Variants in MARCHF6 observed in about 807,000 individuals in gnomAD.
MARCHF6 encodes the protein E3 ubiquitin-protein ligase MARCHF6.
Under a neutral mutation model 133.7 loss-of-function variants are expected in MARCHF6, and 31 were observed. The ratio of observed to expected loss-of-function variants is 0.23; its 90% confidence interval spans 0.17 to 0.31. The LOEUF (loss-of-function observed/expected upper bound fraction) is 0.31. Ranked by LOEUF, MARCHF6 falls within the 10% of genes least tolerant of loss-of-function variation. The pLI, the probability that MARCHF6 is intolerant of heterozygous loss-of-function variation, is 1.00. For missense variants in MARCHF6, 723 were observed against 1,121.6 expected, an observed-to-expected ratio of 0.64 and a Z score of 5.08; for synonymous variants, 395 against 402.5, an observed-to-expected ratio of 0.98 and a Z score of 0.22.
Position 10,404,155 on chromosome 5 carries a change from C to T in MARCHF6, c.1332+614C>T, listed in dbSNP as rs1009206794. Among the ~76,000 whole-genome samples, 19 of 151,902 alleles carry T rather than the reference C, an allele frequency of 1.3e-4. 1 individual carries two copies. The South Asian group carries it at 3.5e-3, about 28-fold the overall frequency. On this transcript the variant is annotated intron_variant, in intron 15 of 25. Transcript: ENST00000274140. ...TAGTGCCATGATCTTGGAACCTCCA[C>T]CTCCCAAGTTCAAGTGATTCTCCTG... is the stretch of plus-strand genomic sequence containing the variant.
In MARCHF6 at chr5:10,429,760, G is replaced by T. The variant is rs562602850; in HGVS notation, c.2507-133G>T. ...AAAGGGCTCATGACCTACACAGATT[G>T]TAGAAAGTTAACAGACCTGGGGCTT... On this transcript the variant is annotated intron_variant, in intron 24 of 25. Coordinates refer to ENST00000274140, the MANE Select transcript of MARCHF6 (RefSeq NM_005885.4). The T allele has an allele frequency of 2.3e-5, 16 of 689,502 alleles. No homozygotes were observed. In the East Asian group the frequency reaches 3.2e-4, roughly 14 times the overall value. The allele number at this position is 689,502 out of a possible 1,614,324, so 42.7% of individuals were successfully genotyped here.
rs1012598902 is a variant in MARCHF6, at chr5:10,434,597, A to G, written c.*913A>G. On this transcript the variant is annotated 3_prime_UTR_variant, in exon 26 of 26. Coordinates refer to ENST00000274140, the MANE Select transcript of MARCHF6 (RefSeq NM_005885.4). ...GTCATAAATCTTTCAGAGTGACATC[A>G]CCAACTGTACTGCATCTTACTGGAT... 2.6e-5 allele frequency: 4 copies of G among 151,882 alleles called. No homozygotes were observed. Among genetic ancestry groups the G allele is most frequent in the Non-Finnish European group, 5.9e-5 (4 of 68,000 alleles). The allele number at this position is 151,882 out of a possible 1,614,324, so 9.4% of individuals were successfully genotyped here. A position where few individuals can be genotyped will look rare whatever the true frequency, so the allele number is the denominator to read the frequency against.
In MARCHF6 at chr5:10,410,245, C is replaced by T. The variant is rs753187696; in HGVS notation, c.1660C>T (p.Arg554Ter). 1 of 1,613,228 alleles carries T rather than the reference C, an allele frequency of 6.2e-7. No individual in the cohort carries two copies. The highest frequency in any genetic ancestry group is 8.5e-7 in the Non-Finnish European group (1 of 1,179,988). ...HTRQWLKGLV[R>*]AWTVTAGYLL... ...GAGGCAGTGGCTGAAGGGGCTGGTGCGAGCGTGGACTGTGACCGCCGGATA... is the reference window on the plus strand; with the variant it reads ...GAGGCAGTGGCTGAAGGGGCTGGTGTGAGCGTGGACTGTGACCGCCGGATA... The change falls in exon 18 of 26, where the codon CGA becomes TGA. Residue 554 changes from arginine to a stop codon, truncating the protein, a stop_gained. Transcript: ENST00000274140. LOFTEE classifies it high-confidence loss of function.
intron 1 of MARCHF6, among the ~76,000 whole-genome samples, chr5:10,375,151 G>T (rs1736693428): frequency 6.6e-6 from 1 of 152,248 alleles, no homozygotes; most frequent in South Asian, 2.1e-4. Context: ...TTGCAGGGAG[G>T]TGTGGAGGGA....
intron 15 of MARCHF6, 66 bp downstream of exon 15, chr5:10,403,607 C>A: frequency 1.4e-6 from 2 of 1,432,294 alleles, no homozygotes; most frequent in South Asian, 2.7e-5. Flanking sequence ...CACCACCAGT[C>A]ATGTCTCAAA....
intron 10 of MARCHF6, among the ~76,000 whole-genome samples, chr5:10,397,858 G>A (rs919200340): frequency 1.3e-5 from 2 of 152,136 alleles, no homozygotes; most frequent in African/African-American, 2.4e-5. Context: ...GCACTTCTGC[G>A]AGGGCAGCTG....
At chr5:10,391,332 T>G (rs958698448) in intron 6 of MARCHF6, among the ~76,000 whole-genome samples, 5 of 151,738 alleles carry the variant, frequency 3.3e-5, no homozygotes, top group Non-Finnish European at 7.4e-5. Context: ...AGGGTCTTGC[T>G]GTGCTGGCCA....
At chr5:10,402,217 T>G (rs1421198665) in intron 12 of MARCHF6, 78 bp downstream of exon 12, 1 of 1,125,256 alleles carries the variant, frequency 8.9e-7, no homozygotes, top group Non-Finnish European at 1.3e-6. Flanking sequence ...GCGAAACTTG[T>G]CTATCCTTGT....
intron 19 of MARCHF6, among the ~76,000 whole-genome samples, chr5:10,412,850 A>G (rs1739307283): frequency 6.6e-6 from 1 of 152,172 alleles, no homozygotes; most frequent in Non-Finnish European, 1.5e-5. Context: ...ACTGGAATAC[A>G]GGTGTAAGCC....
chr5:10,395,521 G>A (rs1738139134), intron 9 of MARCHF6, among the ~76,000 whole-genome samples: 1 of 152,154 alleles, frequency 6.6e-6, no homozygotes, highest in African/African-American at 2.4e-5. Flanking sequence ...CAAGTCTAAG[G>A]TGAGGAGCAA....
chr5:10,402,189 A>G (rs371878104), intron 12 of MARCHF6, 50 bp downstream of exon 12: 25 of 1,265,732 alleles, frequency 2.0e-5, no homozygotes, highest in Non-Finnish European at 2.7e-5. Context: ...ATTCATACCA[A>G]AGAACTCTTC....
chr5:10,358,913 TGAGA>T (rs1326913983), intron 1 of MARCHF6, among the ~76,000 whole-genome samples: 5 of 152,220 alleles, frequency 3.3e-5, no homozygotes, highest in Non-Finnish European at 5.9e-5. Context: ...CATTCACAGT[TGAGA>T]GATGTAAAGA....
intron 10 of MARCHF6, among the ~76,000 whole-genome samples, chr5:10,400,166 AAAAT>A (rs1295262805): frequency 1.3e-5 from 2 of 152,198 alleles, no homozygotes; most frequent in Admixed American, 6.5e-5. Context: ...TTACCATTAT[AAAAT>A]AATCTGTTGG....
intron 16 of MARCHF6, among the ~76,000 whole-genome samples, chr5:10,406,477 C>T (rs551226522): frequency 9.9e-5 from 15 of 151,530 alleles, no homozygotes; most frequent in Middle Eastern, 6.8e-3. Flanking sequence ...GCAACCTTCA[C>T]CTCCCTGTTT....
chr5:10,419,923 C>G (rs1257933342), intron 22 of MARCHF6, among the ~76,000 whole-genome samples: 1 of 152,172 alleles, frequency 6.6e-6, no homozygotes, highest in Non-Finnish European at 1.5e-5. Flanking sequence ...TGGGAAGATT[C>G]AATGGCTGGG....
chr5:10,355,431 G>C (rs1450346368), intron 1 of MARCHF6, among the ~76,000 whole-genome samples: 1 of 152,174 alleles, frequency 6.6e-6, no homozygotes, highest in Non-Finnish European at 1.5e-5. Context: ...TTTGGCCTGG[G>C]CATTGCTACT....
intron 4 of MARCHF6, among the ~76,000 whole-genome samples, chr5:10,382,478 A>C (rs1399334122): frequency 2.0e-5 from 3 of 151,754 alleles, no homozygotes; most frequent in Non-Finnish European, 4.4e-5. Context: ...CAAAAAAAAA[A>C]AAAAAAGGAC....
At chr5:10,423,681 G>C in intron 22 of MARCHF6, 54 bp from the exon 23 acceptor site, 1 of 1,196,948 alleles carries the variant, frequency 8.4e-7, no homozygotes, top group Middle Eastern at 2.2e-4. Context: ...CCTCTCTGCT[G>C]TGTTTATTGT....
rs1215633871 is a variant in MARCHF6, at chr5:10,366,082, GC to G, written c.20-11715del. ...TGAGTAGCTGGGATTATAGGCGTGT[GC>G]TGCCATACCTGGCTAGTTTTTGTAT... is the stretch of plus-strand genomic sequence containing the variant. On this transcript the variant is annotated intron_variant, in intron 1 of 25. Transcript: ENST00000274140. 3.3e-5 allele frequency among the ~76,000 whole-genome samples: 5 copies of G among 152,186 alleles called. No homozygotes were observed. The East Asian group carries it at 9.6e-4, about 29-fold the overall frequency.
Sources: gnomAD v4.1 joint callset for allele counts (sites outside exome capture counted in the v4.1 genomes callset) on GRCh38, gnomAD v4.1.1 for gene constraint, MANE v1.5 for transcripts, NCBI Gene and HGNC (gene_info 2026-07-23, HGNC 2026-07-21) for gene names.